CORO2B: variants seen among roughly 807,000 people sequenced by gnomAD.
The protein encoded by CORO2B is coronin 2B.
In CORO2B, 26 loss-of-function variants were observed where a neutral mutation model predicts 58.8. The observed-to-expected ratio is 0.44, with a 90% confidence interval of 0.32 to 0.61. CORO2B has a LOEUF of 0.61. Among genes scored for constraint, CORO2B ranks in the 20% least tolerant of loss-of-function variants. CORO2B has a pLI of 0.04. For missense variants in CORO2B, 460 were observed against 645.1 expected (o/e 0.71, Z 3.11); for synonymous variants, 242 against 253.8 (o/e 0.95, Z 0.44).
At chr15:68,650,481 G>A (rs1412095043) in intron 2 of CORO2B, among the ~76,000 whole-genome samples, 4 of 151,132 alleles carry the variant, frequency 2.6e-5, no homozygotes, top group Non-Finnish European at 5.9e-5. Flanking sequence ...GCGTGATGGT[G>A]CGTGCCTGTA....
intron 1 of CORO2B, among the ~76,000 whole-genome samples, chr15:68,623,032 G>A (rs1268689222): frequency 1.3e-5 from 2 of 152,132 alleles, no homozygotes; most frequent in South Asian, 2.1e-4. Context: ...GGGTGTGGTG[G>A]TGGGCACCTG....
At chr15:68,711,506 C>T (rs1207170536) in intron 4 of CORO2B, 36 bp from the exon 5 acceptor site, 2 of 1,590,004 alleles carry the variant, frequency 1.3e-6, no homozygotes. Context: ...ACCCTAGCAG[C>T]CACTGACCCT....
At chr15:68,704,599 A>G (rs1031993576) in intron 3 of CORO2B, among the ~76,000 whole-genome samples, 1 of 152,128 alleles carries the variant, frequency 6.6e-6, no homozygotes, top group African/African-American at 2.4e-5. Context: ...TAGCTTTATT[A>G]ACTGTCCTTA....
rs2140273355 is a variant in CORO2B, at chr15:68,645,794, GA to G, written c.216+435del. 6.6e-6 allele frequency among the ~76,000 whole-genome samples: 1 copy of G among 151,290 alleles called. No homozygotes were observed. Among genetic ancestry groups the G allele is most frequent in the South Asian group, 2.1e-4 (1 of 4,792 alleles). ...AAATTATACAATTTTTTTTTTTTGA[GA>G]TGGAGTCTTGCTCTGTCGTCCAGGC... On this transcript the variant is annotated intron_variant, in intron 2 of 11. Transcript: ENST00000261861. This position sits in a 1 kb window ranked among gnomAD's most constrained non-coding sequence, Gnocchi z 4.5.
intron 1 of CORO2B, among the ~76,000 whole-genome samples, chr15:68,630,602 T>C (rs1476980062): frequency 6.6e-6 from 1 of 152,156 alleles, no homozygotes. Flanking sequence ...TCTTCTTTAT[T>C]TCCATCAGTT....
chr15:68,676,512 A>G (rs1490508359), intron 2 of CORO2B, among the ~76,000 whole-genome samples: 1 of 152,188 alleles, frequency 6.6e-6, no homozygotes, highest in African/African-American at 2.4e-5. Flanking sequence ...AGACACCTCC[A>G]TACACTGTCC....
chr15:68,665,091 C>A (rs1053851441), intron 2 of CORO2B, among the ~76,000 whole-genome samples: 2 of 152,040 alleles, frequency 1.3e-5, no homozygotes, highest in Non-Finnish European at 1.5e-5. Flanking sequence ...TTTTACTAGG[C>A]CTTTCACTAC....
At chr15:68,658,263 C>G (rs557879252) in intron 2 of CORO2B, among the ~76,000 whole-genome samples, 18 of 151,950 alleles carry the variant, frequency 1.2e-4, no homozygotes, top group African/African-American at 1.7e-4. Flanking sequence ...GGAGAGGGAA[C>G]AGCTGGGGCC....
At chr15:68,647,689 CA>C (rs3084725) in intron 2 of CORO2B, among the ~76,000 whole-genome samples, 73 of 122,756 alleles carry the variant, frequency 5.9e-4, no homozygotes, top group Non-Finnish European at 6.5e-4. Flanking sequence ...AACTCCATCT[CA>C]AAAAAAAAAA....
At chr15:68,657,138 T>C (rs1428773240) in intron 2 of CORO2B, among the ~76,000 whole-genome samples, 2 of 152,094 alleles carry the variant, frequency 1.3e-5, no homozygotes, top group African/African-American at 4.8e-5. Flanking sequence ...GATAGATCCT[T>C]TTGGCAGTCT....
At chr15:68,579,677 C>T (rs1033381296) in intron 1 of CORO2B, among the ~76,000 whole-genome samples, 2 of 152,206 alleles carry the variant, frequency 1.3e-5, no homozygotes, top group Non-Finnish European at 2.9e-5. Context: ...GGGGATGGGC[C>T]TGCCGCCCCG....
At chr15:68,620,557 C>G (rs1291178994) in intron 1 of CORO2B, among the ~76,000 whole-genome samples, 1 of 152,208 alleles carries the variant, frequency 6.6e-6, no homozygotes, top group Non-Finnish European at 1.5e-5. Context: ...CTTCCCCTTC[C>G]AACCTCATTC....
At chr15:68,617,133 C>T (rs1256967399) in intron 1 of CORO2B, among the ~76,000 whole-genome samples, 1 of 152,136 alleles carries the variant, frequency 6.6e-6, no homozygotes, top group Non-Finnish European at 1.5e-5. Flanking sequence ...AGCCTTCAAG[C>T]CCGTGCTTTC....
intron 1 of CORO2B, among the ~76,000 whole-genome samples, chr15:68,605,117 G>GA (rs141021846): frequency 0.04 from 4,977 of 124,360 alleles, 107 homozygotes; most frequent in Non-Finnish European, 0.057. Context: ...CCGTCTCAAG[G>GA]AAAAAAAAAA....
chr15:68,563,202 G>A, the CORO2B span, among the ~76,000 whole-genome samples: 1 of 150,580 alleles, frequency 6.6e-6, no homozygotes, highest in Non-Finnish European at 1.5e-5. Flanking sequence ...TTAGAGTAGA[G>A]ACTGGCCAGG....
chr15:68,590,479 G>A (rs1212302047), intron 1 of CORO2B, among the ~76,000 whole-genome samples: 1 of 152,120 alleles, frequency 6.6e-6, no homozygotes, highest in East Asian at 1.9e-4. Context: ...TCACACAGCA[G>A]GAAGGGGCAA....
chr15:68,671,375 C>A (rs1025807466), intron 2 of CORO2B, among the ~76,000 whole-genome samples: 2 of 152,070 alleles, frequency 1.3e-5, no homozygotes, highest in Non-Finnish European at 2.9e-5. Context: ...TGGCTGTAGA[C>A]CCACATATGA....
At chr15:68,551,082 G>T in the CORO2B span, among the ~76,000 whole-genome samples, 24,145 of 152,150 alleles carry the variant, frequency 0.16, 2,177 homozygotes, top group Middle Eastern at 0.24. Context: ...GGGGGGAAGA[G>T]GGCCCAGGCT....
chr15:68,694,400 G>A (rs552977941), intron 2 of CORO2B, among the ~76,000 whole-genome samples: 22 of 152,310 alleles, frequency 1.4e-4, no homozygotes, highest in African/African-American at 5.3e-4. Flanking sequence ...GAGGCTCAGA[G>A]AAGTTCATTA....
Sources: allele counts gnomAD v4.1 joint callset (sites outside exome capture counted in the v4.1 genomes callset), GRCh38; gene constraint gnomAD v4.1.1; non-coding constraint Gnocchi (gnomAD v3.1); transcripts MANE v1.5; gene names NCBI Gene and HGNC (gene_info 2026-07-23, HGNC 2026-07-21).